Variants in ATRNL1 observed in about 807,000 individuals in gnomAD.
ATRNL1 encodes the protein attractin-like protein 1.
ATRNL1 carries 95 observed loss-of-function variants against 182.7 expected under a neutral mutation model. That is an observed-to-expected ratio of 0.52 (90% CI 0.44 to 0.62). The LOEUF is 0.62. Among genes scored for constraint, ATRNL1 ranks in the 20% least tolerant of loss-of-function variants. The pLI, the probability that ATRNL1 is intolerant of heterozygous loss-of-function variation, is 0.00. For synonymous variants in ATRNL1, 576 were observed against 568.3 expected, an observed-to-expected ratio of 1.01 and a Z score of -0.19; for missense variants, 1,471 against 1,679.5, an observed-to-expected ratio of 0.88 and a Z score of 2.17.
chr10:115,444,362 T>C (rs183641926), intron 21 of ATRNL1, among the ~76,000 whole-genome samples: 6 of 152,150 alleles, frequency 3.9e-5, no homozygotes, highest in Admixed American at 3.9e-4. Flanking sequence ...AGTAATAAGA[T>C]AATCTCCAAA....
At chr10:115,589,960 C>A (rs1855804344) in intron 26 of ATRNL1, among the ~76,000 whole-genome samples, 1 of 152,138 alleles carries the variant, frequency 6.6e-6, no homozygotes, top group South Asian at 2.1e-4. Flanking sequence ...TCTGACACAG[C>A]TTTGTGTTGG....
At chr10:115,274,208 G>T (rs1852001508) in intron 13 of ATRNL1, among the ~76,000 whole-genome samples, 1 of 152,126 alleles carries the variant, frequency 6.6e-6, no homozygotes, top group Admixed American at 6.5e-5. Flanking sequence ...AGCCCAACTG[G>T]CAGAGCTTGT....
intron 5 of ATRNL1, among the ~76,000 whole-genome samples, chr10:115,134,330 TG>T (rs1186095777): frequency 6.6e-6 from 1 of 151,426 alleles, no homozygotes; most frequent in Non-Finnish European, 1.5e-5. Context: ...ATCAAATAGA[TG>T]CAATAAAAAA....
chr10:115,614,211 T>G (rs1857315578), intron 26 of ATRNL1, among the ~76,000 whole-genome samples: 2 of 152,092 alleles, frequency 1.3e-5, no homozygotes, highest in African/African-American at 4.8e-5. Flanking sequence ...CTGTAGGTTT[T>G]GGGGCGTTGT....
At chr10:115,524,336 GT>G (rs201741003) in intron 25 of ATRNL1, among the ~76,000 whole-genome samples, 48 of 151,162 alleles carry the variant, frequency 3.2e-4, no homozygotes, top group African/African-American at 1.1e-3. Flanking sequence ...TGAACTAAAG[GT>G]TTTTTTTTCT....
At chr10:115,552,506 A>G (rs1554995790) in intron 26 of ATRNL1, among the ~76,000 whole-genome samples, 1 of 151,416 alleles carries the variant, frequency 6.6e-6, no homozygotes, top group East Asian at 1.9e-4. Context: ...CAGTTATACT[A>G]GTTGCTTTTC....
At chr10:115,413,438 A>G (rs947007668) in intron 20 of ATRNL1, among the ~76,000 whole-genome samples, 1 of 152,142 alleles carries the variant, frequency 6.6e-6, no homozygotes, top group Non-Finnish European at 1.5e-5. Flanking sequence ...ACCAACTCCT[A>G]TGGTAGACTC....
Position 115,550,367 on chromosome 10 carries a change from C to T in ATRNL1, c.3795+831C>T, listed in dbSNP as rs74158367. Among the ~76,000 whole-genome samples the T allele has an allele frequency of 9.5e-3, 1,441 of 151,668 alleles. 23 individuals are homozygous for T. Among genetic ancestry groups the T allele is most frequent in the African/African-American group, 0.033 (1,361 of 41,450 alleles). Reference sequence around the variant, plus strand: ...ACAATATAAAACAACAGTATAATTGCTTACCTTCTTTTTTCCACATAAAAA... The same window carrying T: ...ACAATATAAAACAACAGTATAATTGTTTACCTTCTTTTTTCCACATAAAAA... On this transcript the variant is annotated intron_variant, in intron 26 of 28. Coordinates refer to ENST00000355044, the MANE Select transcript of ATRNL1 (RefSeq NM_207303.4).
chr10:115,924,661 A>G (rs1278689607), intron 28 of ATRNL1, among the ~76,000 whole-genome samples: 1 of 152,150 alleles, frequency 6.6e-6, no homozygotes, highest in Non-Finnish European at 1.5e-5. Flanking sequence ...GCCTTGTAAG[A>G]TAGTTTGAAG....
At chr10:115,400,150 A>C (rs536814735) in intron 20 of ATRNL1, among the ~76,000 whole-genome samples, 1 of 152,194 alleles carries the variant, frequency 6.6e-6, no homozygotes, top group East Asian at 1.9e-4. Flanking sequence ...GAAGACATAT[A>C]TGTGGCCAAA....
chr10:115,865,269 T>A (rs1190856111), intron 28 of ATRNL1, among the ~76,000 whole-genome samples: 1 of 152,188 alleles, frequency 6.6e-6, no homozygotes, highest in Non-Finnish European at 1.5e-5. Context: ...TGTACTCTGG[T>A]TATGTAAAAT....
rs149300994 is a variant in ATRNL1 at position 115,784,777 on chromosome 10, T to C, written c.3903+57422T>C. 3.2e-3 allele frequency among the ~76,000 whole-genome samples: 485 copies of C among 152,278 alleles called. 3 individuals are homozygous for C. Among genetic ancestry groups the C allele is most frequent in the Non-Finnish European group, 3.8e-3 (257 of 68,030 alleles). Reference sequence around the variant, plus strand: ...TGTATGTTTTCACATGGCCTTCTTATAAAGATAGCAGTCATTGGGTTAGAC... The same window carrying C: ...TGTATGTTTTCACATGGCCTTCTTACAAAGATAGCAGTCATTGGGTTAGAC... On this transcript the variant is annotated intron_variant, in intron 27 of 28. Coordinates refer to ENST00000355044, the MANE Select transcript of ATRNL1 (RefSeq NM_207303.4).
intron 21 of ATRNL1, 147 bp from the exon 22 acceptor site, chr10:115,461,794 T>G: frequency 2.4e-6 from 1 of 422,126 alleles, no homozygotes; most frequent in Non-Finnish European, 4.1e-6. Flanking sequence ...AGGACAAAGA[T>G]TTGTATTTTG....
intron 19 of ATRNL1, among the ~76,000 whole-genome samples, chr10:115,388,498 CTTATTT>C (rs1353465983): frequency 3.3e-5 from 5 of 151,966 alleles, no homozygotes; most frequent in African/African-American, 1.2e-4. Flanking sequence ...TTCTCTATCT[CTTATTT>C]TTAGTTTTTC....
intron 9 of ATRNL1, among the ~76,000 whole-genome samples, chr10:115,238,065 C>T (rs1172374858): frequency 1.3e-5 from 2 of 152,100 alleles, no homozygotes; most frequent in African/African-American, 4.8e-5. Flanking sequence ...GTGTCTATTT[C>T]TGAGCTCTCT....
In ATRNL1 at chr10:115,738,154, T is replaced by TTTTTTTTTTTTTTTTTTTTTTTTC. The variant is rs71010046; in HGVS notation, c.3903+10801_3903+10802insTTTTTTTTTTTTTTTTTTTTTCTT. Among the ~76,000 whole-genome samples the TTTTTTTTTTTTTTTTTTTTTTTTC allele has an allele frequency of 1.5e-3, 94 of 63,910 alleles. 22 individuals are homozygous for TTTTTTTTTTTTTTTTTTTTTTTTC. Among genetic ancestry groups the TTTTTTTTTTTTTTTTTTTTTTTTC allele is most frequent in the Admixed American group, 4.1e-3 (15 of 3,694 alleles). The allele number at this position is 63,910 out of a possible 152,430, so 41.9% of individuals were successfully genotyped here. ...TTTTTTTTTTTTTTTTTTTTTTTTT[T>TTTTTTTTTTTTTTTTTTTTTTTTC]TTGAGATGGAGTCCTGCTCTGTCGC... On this transcript the variant is annotated intron_variant, in intron 27 of 28. Transcript: ENST00000355044.
chr10:115,775,114 ATATTT>A (rs1207230656), intron 27 of ATRNL1, among the ~76,000 whole-genome samples: 5 of 152,180 alleles, frequency 3.3e-5, no homozygotes, highest in African/African-American at 1.2e-4. Context: ...TAAAAGTAAT[ATATTT>A]TGAGTAACTA....
intron 8 of ATRNL1, 32 bp downstream of exon 8, chr10:115,171,324 T>C (rs782764493): frequency 1.3e-6 from 2 of 1,503,936 alleles, no homozygotes; most frequent in African/African-American, 2.8e-5. Context: ...ATTTCTTTAT[T>C]GATTGGGAAT....
intron 8 of ATRNL1, among the ~76,000 whole-genome samples, chr10:115,186,921 A>G (rs914117309): frequency 1.4e-4 from 21 of 152,162 alleles, no homozygotes; most frequent in African/African-American, 4.8e-4. Context: ...CATGTAACCC[A>G]TAAATATATA....
Sources: allele counts gnomAD v4.1 joint callset (sites outside exome capture counted in the v4.1 genomes callset), GRCh38; gene constraint gnomAD v4.1.1; transcripts MANE v1.5; gene names NCBI Gene and HGNC (gene_info 2026-07-23, HGNC 2026-07-21).